The following SLC13A3 variants were observed in gnomAD, a reference collection of about 807,000 sequenced individuals.
SLC13A3 encodes Na(+)/dicarboxylate cotransporter 3.
Under a neutral mutation model 59.0 loss-of-function variants are expected in SLC13A3, and 40 were observed. The observed-to-expected ratio is 0.68, with a 90% confidence interval of 0.53 to 0.88. The LOEUF (loss-of-function observed/expected upper bound fraction) is 0.88, where lower values mean the gene tolerates loss of function less well. Among genes scored for constraint, SLC13A3 ranks in the 40% least tolerant of loss-of-function variants. SLC13A3 has a pLI of 0.00. For missense variants in SLC13A3, 699 were observed against 783.2 expected (o/e 0.89, Z 1.28); for synonymous variants, 317 against 330.3 (o/e 0.96, Z 0.44).
At chr20:46,654,389 T>G (rs1052660868), upstream of SLC13A3, among the ~76,000 whole-genome samples, 2 of 152,228 alleles carry the variant, frequency 1.3e-5, no homozygotes, top group African/African-American at 4.8e-5. Context: ...GGTATTGCCA[T>G]TTAACCAATT....
rs369747660 is a variant in SLC13A3 at position 46,619,445 on chromosome 20, C to T, written c.112-5720G>A. Among the ~76,000 whole-genome samples, 14 of 152,324 alleles carry T rather than the reference C, an allele frequency of 9.2e-5. No homozygotes were observed. In the East Asian group the frequency reaches 1.7e-3, roughly 19 times the overall value. ...TCATCAGCTTTCACTGAGACTATTT[C>T]TCAACTTTTGCACTTGTCTTCATGA... On this transcript the variant is annotated intron_variant, in intron 1 of 12. Coordinates refer to ENST00000279027, the MANE Select transcript of SLC13A3 (RefSeq NM_022829.6).
chr20:46,654,290 AT>A (rs1277472928), upstream of SLC13A3, among the ~76,000 whole-genome samples: 1 of 151,816 alleles, frequency 6.6e-6, no homozygotes, highest in Non-Finnish European at 1.5e-5. Context: ...TTTTTTTAGC[AT>A]TTTGGTTTTT....
intron 1 of SLC13A3, among the ~76,000 whole-genome samples, chr20:46,635,417 A>G (rs1374302732): frequency 6.6e-6 from 1 of 152,174 alleles, no homozygotes; most frequent in Non-Finnish European, 1.5e-5. Context: ...GCTGTTCCCT[A>G]TGCCTGGAAT....
rs574575786 is a variant in SLC13A3 at position 46,678,143 on chromosome 20, CAGA to C, written c.-31+6250_-31+6252del. Among the ~76,000 whole-genome samples, 434 of 152,318 alleles carry C rather than the reference CAGA, an allele frequency of 2.8e-3. 4 individuals are homozygous for C. The highest frequency in any genetic ancestry group is 0.01 in the African/African-American group (418 of 41,568). ...AAGTCTAGAATTTTCCCCAAACTCA[CAGA>C]AGGAGTTGGTGGCAGACTTTGGCCA... On this transcript the variant is annotated intron_variant, in intron 1 of 6. Coordinates refer to the SLC13A3 transcript ENST00000372121.
chr20:46,633,441 C>T (rs1294026666), intron 1 of SLC13A3, among the ~76,000 whole-genome samples: 1 of 152,204 alleles, frequency 6.6e-6, no homozygotes. Flanking sequence ...TTTTTGGAGC[C>T]TCCCTGTCTC....
intron 1 of SLC13A3, among the ~76,000 whole-genome samples, chr20:46,630,811 T>C (rs1269516435): frequency 6.6e-6 from 1 of 152,212 alleles, no homozygotes; most frequent in Admixed American, 6.5e-5. Flanking sequence ...TAAAGGAGCC[T>C]GAATTAAAGA....
chr20:46,563,312 G>T, intron 12 of SLC13A3, 102 bp downstream of exon 12: 3 of 1,340,092 alleles, frequency 2.2e-6, no homozygotes, highest in East Asian at 4.9e-5. Context: ...TCAGAGACTG[G>T]GGAGTGGGGT....
chr20:46,604,428 A>G (rs553025989), intron 3 of SLC13A3, among the ~76,000 whole-genome samples: 2 of 152,078 alleles, frequency 1.3e-5, no homozygotes, highest in South Asian at 4.2e-4. Context: ...GGCCATTGAC[A>G]CTCTTCAAGG....
chr20:46,669,155 T>C (rs929625928), intron 1 of SLC13A3, among the ~76,000 whole-genome samples: 28 of 152,232 alleles, frequency 1.8e-4, no homozygotes, highest in African/African-American at 6.8e-4. Flanking sequence ...CTTTTTCTTG[T>C]TGGAGTCATC....
intron 1 of SLC13A3, among the ~76,000 whole-genome samples, chr20:46,680,754 GT>G (rs1421205403): frequency 6.6e-6 from 1 of 152,190 alleles, no homozygotes; most frequent in East Asian, 1.9e-4. Context: ...CCGCTCCTGT[GT>G]ACTCTGCCCT....
At chr20:46,660,538 C>G (rs899606211) in intron 1 of SLC13A3, among the ~76,000 whole-genome samples, 1 of 152,152 alleles carries the variant, frequency 6.6e-6, no homozygotes, top group African/African-American at 2.4e-5. Context: ...AGTAATGCCC[C>G]ATTTTTATTC....
intron 1 of SLC13A3, among the ~76,000 whole-genome samples, chr20:46,677,442 T>G (rs917027335): frequency 1.2e-3 from 176 of 152,248 alleles, no homozygotes; most frequent in African/African-American, 4.2e-3. Context: ...AAAGTAAAGC[T>G]GGCAGGATCT....
At chr20:46,608,273 T>C (rs1345526749) in intron 3 of SLC13A3, among the ~76,000 whole-genome samples, 1 of 152,214 alleles carries the variant, frequency 6.6e-6, no homozygotes, top group Non-Finnish European at 1.5e-5. Context: ...ACAAAAATTA[T>C]ATGAAATTTT....
At chr20:46,577,416 C>T (rs1388328982) in intron 9 of SLC13A3, among the ~76,000 whole-genome samples, 1 of 152,242 alleles carries the variant, frequency 6.6e-6, no homozygotes, top group African/African-American at 2.4e-5. Flanking sequence ...GGTAACCAGA[C>T]ATGGCAGGTG....
chr20:46,576,829 C>T (rs1280601367), intron 9 of SLC13A3, among the ~76,000 whole-genome samples: 1 of 152,124 alleles, frequency 6.6e-6, no homozygotes, highest in East Asian at 1.9e-4. Flanking sequence ...TTTTTCCAAA[C>T]GTTACACAGT....
chr20:46,578,561 A>T (rs1364241358), intron 9 of SLC13A3, among the ~76,000 whole-genome samples: 7 of 151,952 alleles, frequency 4.6e-5, no homozygotes. Context: ...CTATAATCCC[A>T]GCTACTTGGG....
intron 10 of SLC13A3, among the ~76,000 whole-genome samples, chr20:46,568,528 A>C (rs912907353): frequency 3.3e-5 from 5 of 152,188 alleles, no homozygotes; most frequent in Non-Finnish European, 5.9e-5. Context: ...AATGCTTAAA[A>C]ATATTTGTCC....
At chr20:46,585,448 C>A (rs561866350) in intron 8 of SLC13A3, 3 of 996,716 alleles carry the variant, frequency 3.0e-6, no homozygotes, top group South Asian at 4.3e-5. Flanking sequence ...AATATGTTGA[C>A]GTGATCACAT....
intron 1 of SLC13A3, among the ~76,000 whole-genome samples, chr20:46,632,910 T>TCTACCCACCC (rs1555881876): frequency 0.012 from 859 of 73,338 alleles, 26 homozygotes; most frequent in East Asian, 0.057. Context: ...GATAGATAGA[T>TCTACCCACCC]ATATCTATCT....
Sources: gnomAD v4.1 joint callset for allele counts (sites outside exome capture counted in the v4.1 genomes callset) on GRCh38, gnomAD v4.1.1 for gene constraint, MANE v1.5 for transcripts, NCBI Gene and HGNC (gene_info 2026-07-23, HGNC 2026-07-21) for gene names.